PPEF1: variants seen among roughly 807,000 people sequenced by gnomAD.
The protein encoded by PPEF1 is protein phosphatase with EF-hand domain 1, also known as serine/threonine-protein phosphatase with EF-hands 1.
PPEF1 carries 12 observed loss-of-function variants against 53.3 expected under a neutral mutation model. The ratio of observed to expected loss-of-function variants is 0.23; its 90% confidence interval spans 0.14 to 0.36. The LOEUF is 0.36. PPEF1 is among the 10% of genes least tolerant of loss of function. The pLI is 1.00. For synonymous variants in PPEF1, 165 were observed against 176.7 expected (o/e 0.93, Z 0.52); for missense variants, 334 against 490.4 (o/e 0.68, Z 3.01).
intron 1 of PPEF1, 36 bp from the exon 2 acceptor site, chrX:18,730,143 CTG>C: frequency 8.5e-7 from 1 of 1,181,139 alleles, no homozygotes; most frequent in Non-Finnish European, 1.1e-6. Flanking sequence ...TGCATAGTAA[CTG>C]TTTTTCTTTG....
chrX:18,745,098 ATATATTATATAAT>A (rs1453195757), intron 3 of PPEF1, among the ~76,000 whole-genome samples: 7 of 96,806 alleles, frequency 7.2e-5, no homozygotes, highest in Admixed American at 5.3e-4. Flanking sequence ...AATATATATT[ATATATTATATAAT>A]TATATTATAT....
chrX:18,793,738 G>A (rs969907084), intron 10 of PPEF1, among the ~76,000 whole-genome samples: 3 of 89,777 alleles, frequency 3.3e-5, no homozygotes, highest in Non-Finnish European at 6.1e-5. Flanking sequence ...TTCTTTGCAT[G>A]TCCTGTAATC....
intron 1 of PPEF1, among the ~76,000 whole-genome samples, chrX:18,726,811 AC>A (rs2044718950): frequency 9.1e-6 from 1 of 109,888 alleles, no homozygotes; most frequent in Middle Eastern, 4.2e-3. Flanking sequence ...ACAAGCGTGT[AC>A]CACCGTGCCC....
chrX:18,802,200 G>C (rs965122143), intron 10 of PPEF1, among the ~76,000 whole-genome samples: 3 of 109,725 alleles, frequency 2.7e-5, no homozygotes, highest in East Asian at 2.9e-4. Context: ...AAGTAGCTGG[G>C]AACACATTCC....
At chrX:18,742,411 A>T (rs1337345924) in intron 3 of PPEF1, among the ~76,000 whole-genome samples, 1 of 111,942 alleles carries the variant, frequency 8.9e-6, no homozygotes, top group Non-Finnish European at 1.9e-5. Flanking sequence ...ATTGCATGTA[A>T]TTCTGTGGGT....
At chrX:18,714,332 C>T (rs771020168) in intron 1 of PPEF1, among the ~76,000 whole-genome samples, 68 of 93,453 alleles carry the variant, frequency 7.3e-4, no homozygotes, top group Middle Eastern at 8.1e-3. Context: ...AGCGCAGTGG[C>T]GTGATCTCGG....
At chrX:18,789,390 T>C in intron 10 of PPEF1, 117 bp downstream of exon 10, 3 of 706,263 alleles carry the variant, frequency 4.2e-6, no homozygotes, top group Non-Finnish European at 6.2e-6. Context: ...ATGATTCTCT[T>C]GGAATTCATC....
At chrX:18,729,250 A>G (rs149416419) in intron 1 of PPEF1, among the ~76,000 whole-genome samples, 179 of 111,899 alleles carry the variant, frequency 1.6e-3, no homozygotes, top group African/African-American at 5.6e-3. Flanking sequence ...TCAGGTGCAG[A>G]AGGTGGTGTG....
intron 12 of PPEF1, among the ~76,000 whole-genome samples, chrX:18,807,019 G>T (rs200449125): frequency 1.9e-4 from 19 of 100,320 alleles, no homozygotes; most frequent in African/African-American, 4.5e-4. Context: ...TTTTTTGTTT[G>T]TTTTTTTTCA....
intron 8 of PPEF1, among the ~76,000 whole-genome samples, chrX:18,783,286 T>C (rs2046128156): frequency 9.2e-6 from 1 of 109,108 alleles, no homozygotes; most frequent in Non-Finnish European, 1.9e-5. Context: ...ATAAAGAAGG[T>C]AGCTGGGGTG....
At chrX:18,683,321 T>C (rs1188566997) in intron 1 of PPEF1, among the ~76,000 whole-genome samples, 1 of 111,355 alleles carries the variant, frequency 9.0e-6, no homozygotes, top group African/African-American at 3.3e-5. Context: ...GTGGGCAACA[T>C]GTCTGTGTCA....
At chrX:18,695,875 T>C (rs1488082639) in intron 4 of PPEF1, among the ~76,000 whole-genome samples, 1 of 112,328 alleles carries the variant, frequency 8.9e-6, no homozygotes, top group African/African-American at 3.2e-5. Context: ...TCATTGTGGC[T>C]GCTCACCAGG....
intron 10 of PPEF1, among the ~76,000 whole-genome samples, chrX:18,790,155 G>T (rs937038797): frequency 9.0e-6 from 1 of 111,716 alleles, no homozygotes; most frequent in African/African-American, 3.2e-5. Flanking sequence ...GCATGAGATG[G>T]AATCTCATTG....
intron 5 of PPEF1, among the ~76,000 whole-genome samples, chrX:18,758,278 T>TGC (rs1340481957): frequency 9.0e-6 from 1 of 111,143 alleles, no homozygotes; most frequent in Non-Finnish European, 1.9e-5. Flanking sequence ...CCTGGCAGGA[T>TGC]ATTGCTTCAA....
chrX:18,708,306 G>A (rs750342186), intron 1 of PPEF1, among the ~76,000 whole-genome samples: 2 of 111,712 alleles, frequency 1.8e-5, no homozygotes, highest in African/African-American at 3.3e-5. Flanking sequence ...AGAATTGGGA[G>A]AATGCTAGAT....
intron 2 of PPEF1, among the ~76,000 whole-genome samples, chrX:18,732,267 G>T (rs993866018): frequency 1.8e-5 from 2 of 112,703 alleles, no homozygotes; most frequent in African/African-American, 6.4e-5. Flanking sequence ...TCAGGTGATG[G>T]ATCATTTGGG....
At chrX:18,767,928 A>G (rs1210757963) in intron 6 of PPEF1, among the ~76,000 whole-genome samples, 5 of 111,353 alleles carry the variant, frequency 4.5e-5, no homozygotes, top group Admixed American at 1.9e-4. Flanking sequence ...CTAAGCAATC[A>G]CTTGATTGCT....
chrX:18,800,403 A>G (rs1426251197), intron 10 of PPEF1, among the ~76,000 whole-genome samples: 2 of 111,365 alleles, frequency 1.8e-5, no homozygotes, highest in Non-Finnish European at 3.8e-5. Context: ...ATTCATGTAC[A>G]GTCAACCCTC....
intron 13 of PPEF1, among the ~76,000 whole-genome samples, chrX:18,819,280 A>G (rs759320554): frequency 8.9e-6 from 1 of 112,601 alleles, no homozygotes; most frequent in Non-Finnish European, 1.9e-5. Context: ...TTTGGGAATG[A>G]TTTGAAGAAA....
Sources: gnomAD v4.1 joint callset for allele counts (sites outside exome capture counted in the v4.1 genomes callset) on GRCh38, gnomAD v4.1.1 for gene constraint, MANE v1.5 for transcripts, NCBI Gene and HGNC (gene_info 2026-07-23, HGNC 2026-07-21) for gene names.